Variants in ALG9 observed in about 807,000 individuals in gnomAD.
ALG9 encodes the protein ALG9 alpha-1,2-mannosyltransferase.
Under a neutral mutation model 81.8 loss-of-function variants are expected in ALG9, and 55 were observed. That is an observed-to-expected ratio of 0.67 (90% CI 0.54 to 0.84). The LOEUF is 0.84. Ranked by LOEUF, ALG9 falls within the 40% of genes least tolerant of loss-of-function variation. ALG9 has a pLI of 0.00. For missense variants in ALG9, 629 were observed against 745.0 expected (o/e 0.84, Z 1.81); for synonymous variants, 278 against 274.3 (o/e 1.01, Z -0.13).
intron 9 of ALG9, 30 bp downstream of exon 9, chr11:111,844,571 A>C: frequency 6.2e-7 from 1 of 1,613,506 alleles, no homozygotes; most frequent in South Asian, 1.1e-5. Context: ...CTTTCCTCCC[A>C]AAACACCTAC....
chr11:111,780,507 A>G (rs1945874697), downstream of ALG9, among the ~76,000 whole-genome samples: 1 of 151,324 alleles, frequency 6.6e-6, no homozygotes, highest in South Asian at 2.1e-4. Flanking sequence ...AGCGATTCTC[A>G]TGTCTCAGCC....
At chr11:111,791,978 G>A (rs895435315) in intron 14 of ALG9, among the ~76,000 whole-genome samples, 1 of 152,198 alleles carries the variant, frequency 6.6e-6, no homozygotes, top group Non-Finnish European at 1.5e-5. Context: ...AATTATTTGG[G>A]AGGCTGAGGC....
chr11:111,834,867 GA>G (rs1361638966), intron 13 of ALG9, among the ~76,000 whole-genome samples: 3 of 152,148 alleles, frequency 2.0e-5, no homozygotes, highest in Admixed American at 2.0e-4. Context: ...ATTGTAACAG[GA>G]ATCAGAGCCT....
intron 9 of ALG9, among the ~76,000 whole-genome samples, chr11:111,841,427 T>G (rs531162236): frequency 6.6e-6 from 1 of 152,252 alleles, no homozygotes; most frequent in South Asian, 2.1e-4. Context: ...ACTCATCCAC[T>G]CCGGATCCCC....
intron 14 of ALG9, 119 bp from the exon 15 acceptor site, chr11:111,786,639 C>A: frequency 8.4e-7 from 1 of 1,190,308 alleles, no homozygotes. Flanking sequence ...ATTCAAGTGG[C>A]ACAGAAAAGC....
chr11:111,797,368 C>T (rs1948453485), intron 14 of ALG9, among the ~76,000 whole-genome samples: 1 of 152,174 alleles, frequency 6.6e-6, no homozygotes, highest in African/African-American at 2.4e-5. Flanking sequence ...GGCTGACAGC[C>T]CCAGCTGAGA....
At position 111,787,268 on chromosome 11, in the gene ALG9, T is replaced by TAA. The variant is rs530252475; in HGVS notation, c.1734-750_1734-749dup. On this transcript the variant is annotated intron_variant, in intron 14 of 14. Coordinates refer to ENST00000616540, the MANE Select transcript of ALG9 (RefSeq NM_024740.2). ...CAACATGGTGAAACTCTGTCTCTATTAAAAATACAAAAAAATTAGCCAGGC... is the reference window on the plus strand; with the variant it reads ...CAACATGGTGAAACTCTGTCTCTATTAAAAAAATACAAAAAAATTAGCCAGGC... 1.1e-3 allele frequency among the ~76,000 whole-genome samples: 174 copies of TAA among 151,588 alleles called. 1 individual carries two copies. Among genetic ancestry groups the TAA allele is most frequent in the African/African-American group, 3.9e-3 (160 of 41,358 alleles).
At chr11:111,792,662 A>T (rs1292483797) in intron 14 of ALG9, among the ~76,000 whole-genome samples, 4 of 152,234 alleles carry the variant, frequency 2.6e-5, no homozygotes, top group African/African-American at 9.6e-5. Context: ...GAAATTCAGC[A>T]TCAAATTCTA....
In ALG9 at chr11:111,786,907, T is replaced by C. The variant is rs149095247; in HGVS notation, c.1734-387A>G. 4.1e-4 allele frequency among the ~76,000 whole-genome samples: 63 copies of C among 152,324 alleles called. 1 individual carries two copies. The highest frequency in any genetic ancestry group is 1.5e-3 in the African/African-American group (63 of 41,572). On this transcript the variant is annotated intron_variant, in intron 14 of 14. Transcript: ENST00000616540. Reference sequence around the variant, plus strand: ...AGAGATGCCAAGTACTCAAATGACCTGGACTCCAGCTCTAAGTTTTCCTGG... The same window carrying C: ...AGAGATGCCAAGTACTCAAATGACCCGGACTCCAGCTCTAAGTTTTCCTGG...
At chr11:111,813,948 C>A (rs1446986279) in intron 13 of ALG9, among the ~76,000 whole-genome samples, 2 of 152,036 alleles carry the variant, frequency 1.3e-5, no homozygotes, top group Non-Finnish European at 2.9e-5. Context: ...ACAATTCTAC[C>A]CCTAATTATT....
In ALG9 at chr11:111,857,694, G is replaced by A; in HGVS notation, c.609C>T (p.Ala203=). 1 of 1,614,160 alleles carries A rather than the reference G, an allele frequency of 6.2e-7. No homozygotes were observed. Among genetic ancestry groups the A allele is most frequent in the Non-Finnish European group, 8.5e-7 (1 of 1,180,026 alleles). Residue 203 remains alanine (A), a synonymous_variant, in exon 6 of 15, where the codon GCC becomes GCT. Transcript: ENST00000616540. Reference sequence around the variant, plus strand: ...TCTTGTCCATATACCATCCAGTCATGGCTATCAACGTAGTGTACATACAGA... The same window carrying A: ...TCTTGTCCATATACCATCCAGTCATAGCTATCAACGTAGTGTACATACAGA... The part of the protein sequence containing the change: ...SSFCMYTTLI[A]MTGWYMDKTS...
intron 14 of ALG9, among the ~76,000 whole-genome samples, chr11:111,808,282 T>C (rs1326170726): frequency 1.3e-5 from 2 of 152,150 alleles, no homozygotes; most frequent in African/African-American, 2.4e-5. Context: ...CGTCCCTTCC[T>C]TGCCAGTTAT....
intron 4 of ALG9, 95 bp downstream of exon 4, chr11:111,865,086 C>T: frequency 1.8e-6 from 2 of 1,086,388 alleles, no homozygotes; most frequent in Non-Finnish European, 2.6e-6. Context: ...CAAGAGTTTT[C>T]TATTTCTAAT....
chr11:111,868,039 G>C (rs1380249306), intron 3 of ALG9, among the ~76,000 whole-genome samples: 2 of 152,056 alleles, frequency 1.3e-5, no homozygotes, highest in Non-Finnish European at 2.9e-5. Flanking sequence ...AGTTCCAGAA[G>C]AAGAGGAAAC....
At chr11:111,807,072 T>C (rs542017287) in intron 14 of ALG9, among the ~76,000 whole-genome samples, 2 of 152,312 alleles carry the variant, frequency 1.3e-5, no homozygotes, top group East Asian at 3.9e-4. Context: ...CCTATTGCAA[T>C]AGTGGCTTAA....
chr11:111,837,748 C>T, intron 11 of ALG9, 133 bp from the exon 12 acceptor site: 2 of 1,003,026 alleles, frequency 2.0e-6, no homozygotes, highest in Non-Finnish European at 1.5e-6. Context: ...GCCATTCCAG[C>T]ATGAAGCCTG....
the ALG9 span, among the ~76,000 whole-genome samples, chr11:111,776,290 T>TA: frequency 6.6e-6 from 1 of 152,086 alleles, no homozygotes; most frequent in Non-Finnish European, 1.5e-5. Flanking sequence ...GAGGGTGTAT[T>TA]AAAAAAACAA....
chr11:111,803,624 GA>G (rs1392034347), intron 14 of ALG9, among the ~76,000 whole-genome samples: 2 of 152,068 alleles, frequency 1.3e-5, no homozygotes, highest in Non-Finnish European at 1.5e-5. Flanking sequence ...ATAGGTCAGT[GA>G]AACAGAATAG....
At chr11:111,853,888 A>G (rs1555141308) in intron 6 of ALG9, 152 bp from the exon 7 acceptor site, 1 of 721,806 alleles carries the variant, frequency 1.4e-6, no homozygotes, top group African/African-American at 1.8e-5. Flanking sequence ...TCGTCACAGG[A>G]CCTGTCAGAG....
Sources: allele counts gnomAD v4.1 joint callset (sites outside exome capture counted in the v4.1 genomes callset), GRCh38; gene constraint gnomAD v4.1.1; transcripts MANE v1.5; gene names NCBI Gene and HGNC (gene_info 2026-07-23, HGNC 2026-07-21).